PCSK5: variants seen among roughly 807,000 people sequenced by gnomAD.
PCSK5 encodes the protein prohormone convertase 5.
PCSK5 carries 129 observed loss-of-function variants against 233.2 expected under a neutral mutation model. That is an observed-to-expected ratio of 0.55 (90% CI 0.48 to 0.64). PCSK5 has a LOEUF of 0.64. Among genes scored for constraint, PCSK5 ranks in the 30% least tolerant of loss-of-function variants. The pLI is 0.00. For synonymous variants in PCSK5, 825 were observed against 879.2 expected, an observed-to-expected ratio of 0.94 and a Z score of 1.09; for missense variants, 2,076 against 2,430.1, an observed-to-expected ratio of 0.85 and a Z score of 3.06.
At chr9:75,945,403 C>G (rs11144692) in intron 2 of PCSK5, among the ~76,000 whole-genome samples, 43,925 of 151,768 alleles carry the variant, frequency 0.29, 6,639 homozygotes, top group East Asian at 0.48. Flanking sequence ...TTGGCCCCAC[C>G]ACTAACATTT....
At chr9:76,076,555 TCA>T (rs1830652965) in intron 7 of PCSK5, among the ~76,000 whole-genome samples, 1 of 152,166 alleles carries the variant, frequency 6.6e-6, no homozygotes, top group African/African-American at 2.4e-5. Context: ...AGAGAGATTT[TCA>T]CAGAGGAAAT....
At chr9:75,930,575 GAATCCA>G (rs1426749460) in intron 1 of PCSK5, among the ~76,000 whole-genome samples, 1 of 152,154 alleles carries the variant, frequency 6.6e-6, no homozygotes, top group Non-Finnish European at 1.5e-5. Context: ...AGGGCAAAGG[GAATCCA>G]CTAAAGGATT....
At chr9:76,028,747 G>A (rs1469037864) in intron 5 of PCSK5, among the ~76,000 whole-genome samples, 4 of 152,250 alleles carry the variant, frequency 2.6e-5, no homozygotes, top group African/African-American at 9.6e-5. Context: ...GTCCTGCAAC[G>A]GCAGACTGGT....
chr9:76,227,822 C>T (rs1825945661), intron 21 of PCSK5, among the ~76,000 whole-genome samples: 1 of 152,174 alleles, frequency 6.6e-6, no homozygotes, highest in South Asian at 2.1e-4. Flanking sequence ...GACCAGTTCC[C>T]TGGACATGGA....
At chr9:75,966,769 A>C (rs1378328018) in intron 2 of PCSK5, among the ~76,000 whole-genome samples, 1 of 152,186 alleles carries the variant, frequency 6.6e-6, no homozygotes, top group East Asian at 1.9e-4. Flanking sequence ...AAAACAAATA[A>C]ATTAGATAAG....
chr9:75,941,416 G>T (rs1249970148), intron 2 of PCSK5, among the ~76,000 whole-genome samples: 2 of 151,956 alleles, frequency 1.3e-5, no homozygotes, highest in African/African-American at 4.8e-5. Context: ...TTTCACGTTT[G>T]CCTCTCATCA....
intron 5 of PCSK5, among the ~76,000 whole-genome samples, chr9:76,048,911 T>C (rs1241829258): frequency 6.6e-6 from 1 of 152,174 alleles, no homozygotes; most frequent in African/African-American, 2.4e-5. Context: ...TATAAAATCA[T>C]AGCGAGTGGA....
At position 76,133,539 on chromosome 9, in the gene PCSK5, C is replaced by T. The variant is rs1194967169; in HGVS notation, c.1209-570C>T. Reference sequence around the variant, plus strand: ...TCTTACTGCTGTCTGTGCCTTGGAGCCCAGCTTTGGGTTCTGTACCATGTT... The same window carrying T: ...TCTTACTGCTGTCTGTGCCTTGGAGTCCAGCTTTGGGTTCTGTACCATGTT... On this transcript the variant is annotated intron_variant, in intron 9 of 37. Transcript: ENST00000674117. Among the ~76,000 whole-genome samples the T allele has an allele frequency of 3.3e-5, 5 of 152,094 alleles. No individual in the cohort carries two copies. The East Asian group carries it at 9.7e-4, about 29-fold the overall frequency.
At chr9:75,964,392 C>T (rs1825486921) in intron 2 of PCSK5, among the ~76,000 whole-genome samples, 1 of 152,224 alleles carries the variant, frequency 6.6e-6, no homozygotes, top group South Asian at 2.1e-4. Flanking sequence ...AGTGTGCTTA[C>T]ATTGAGAGTA....
chr9:76,055,958 A>G (rs1004226926), intron 5 of PCSK5, among the ~76,000 whole-genome samples: 2 of 152,208 alleles, frequency 1.3e-5, no homozygotes, highest in African/African-American at 2.4e-5. Context: ...ATTTTGCACA[A>G]TATGTTGGAG....
intron 20 of PCSK5, among the ~76,000 whole-genome samples, chr9:76,192,923 AAAG>A (rs1344594873): frequency 6.6e-6 from 1 of 152,128 alleles, no homozygotes; most frequent in African/African-American, 2.4e-5. Context: ...TAGGTATCTC[AAAG>A]AAGACAAATT....
intron 27 of PCSK5, among the ~76,000 whole-genome samples, chr9:76,300,973 A>T (rs1437966042): frequency 1.3e-5 from 2 of 152,182 alleles, no homozygotes; most frequent in Non-Finnish European, 2.9e-5. Context: ...CTGGGTCACA[A>T]AAGAAAGCAA....
intron 3 of PCSK5, among the ~76,000 whole-genome samples, chr9:76,007,073 T>G (rs1448617586): frequency 1.3e-5 from 2 of 152,242 alleles, no homozygotes; most frequent in Admixed American, 1.3e-4. Context: ...CTCCTGATTA[T>G]ATTTTCAGTT....
At chr9:76,230,378 G>A (rs1435930755) in intron 21 of PCSK5, among the ~76,000 whole-genome samples, 1 of 152,230 alleles carries the variant, frequency 6.6e-6, no homozygotes, top group Non-Finnish European at 1.5e-5. Context: ...CAAAAAGACA[G>A]CCCCTTTCCT....
At chr9:76,091,087 G>A (rs1831268455) in intron 7 of PCSK5, among the ~76,000 whole-genome samples, 1 of 152,174 alleles carries the variant, frequency 6.6e-6, no homozygotes, top group South Asian at 2.1e-4. Context: ...TCACTTGCCT[G>A]CCCACCACCC....
intron 26 of PCSK5, 32 bp from the exon 27 acceptor site, chr9:76,296,633 C>G (rs754512434): frequency 1.0e-5 from 15 of 1,472,990 alleles, no homozygotes; most frequent in African/African-American, 2.8e-5. Flanking sequence ...ATCACTAAAG[C>G]CTTCATGCTT....
chr9:75,935,690 G>C (rs139646847), intron 2 of PCSK5, among the ~76,000 whole-genome samples: 1 of 151,578 alleles, frequency 6.6e-6, no homozygotes, highest in Non-Finnish European at 1.5e-5. Flanking sequence ...TCTTTCATAA[G>C]CTAGAAATCA....
intron 5 of PCSK5, among the ~76,000 whole-genome samples, chr9:76,046,810 T>C (rs1829428904): frequency 6.6e-6 from 1 of 151,906 alleles, no homozygotes; most frequent in Non-Finnish European, 1.5e-5. Flanking sequence ...TCCGCCCGCC[T>C]CGGCCTCCCA....
intron 5 of PCSK5, among the ~76,000 whole-genome samples, chr9:76,040,331 C>G (rs867789800): frequency 1.1e-3 from 19 of 16,840 alleles, no homozygotes; most frequent in South Asian, 9.3e-3. Context: ...CTCTGTCTCT[C>G]TCTCTCTCTC....
Sources: gnomAD v4.1 joint callset for allele counts (sites outside exome capture counted in the v4.1 genomes callset) on GRCh38, gnomAD v4.1.1 for gene constraint, MANE v1.5 for transcripts, NCBI Gene and HGNC (gene_info 2026-07-23, HGNC 2026-07-21) for gene names.